Variants in EPHA3 observed in about 807,000 individuals in gnomAD.
The protein encoded by EPHA3 is EPH receptor A3.
EPHA3 carries 42 observed loss-of-function variants against 107.1 expected under a neutral mutation model. The observed-to-expected ratio is 0.39, with a 90% CI of 0.31 to 0.51. The LOEUF (loss-of-function observed/expected upper bound fraction) is 0.51. Ranked by LOEUF, EPHA3 falls within the 20% of genes least tolerant of loss-of-function variation. The pLI is 0.78. For missense variants in EPHA3, 1,183 were observed against 1,211.2 expected, an observed-to-expected ratio of 0.98 and a Z score of 0.35; for synonymous variants, 461 against 424.8, an observed-to-expected ratio of 1.09 and a Z score of -1.05.
intron 2 of EPHA3, among the ~76,000 whole-genome samples, chr3:89,142,592 T>C (rs1277704737): frequency 2.6e-5 from 4 of 151,526 alleles, no homozygotes; most frequent in Non-Finnish European, 5.9e-5. Flanking sequence ...ACATAAACTG[T>C]TACTTATATT....
At chr3:89,434,618 T>A (rs1271178408) in intron 13 of EPHA3, among the ~76,000 whole-genome samples, 1 of 152,190 alleles carries the variant, frequency 6.6e-6, no homozygotes, top group Non-Finnish European at 1.5e-5. Flanking sequence ...TTGGAAACAT[T>A]TGTCCAACTT....
At chr3:89,352,148 T>A (rs1707839399) in intron 5 of EPHA3, among the ~76,000 whole-genome samples, 1 of 151,274 alleles carries the variant, frequency 6.6e-6, no homozygotes, top group Non-Finnish European at 1.5e-5. Flanking sequence ...CTGTTAGCTA[T>A]AATGAAGGAA....
intron 2 of EPHA3, among the ~76,000 whole-genome samples, chr3:89,159,183 G>T (rs1019203861): frequency 6.6e-6 from 1 of 151,984 alleles, no homozygotes; most frequent in Non-Finnish European, 1.5e-5. Flanking sequence ...GATAATCAAA[G>T]ATTTTATTTT....
chr3:89,424,850 G>A (rs539486287), intron 11 of EPHA3, among the ~76,000 whole-genome samples: 299 of 151,432 alleles, frequency 2.0e-3, no homozygotes, highest in African/African-American at 6.8e-3. Context: ...GTTAAATTTC[G>A]TTTCAAGTTA....
chr3:89,121,295 T>C (rs1190572706), intron 1 of EPHA3, among the ~76,000 whole-genome samples: 2 of 152,150 alleles, frequency 1.3e-5, no homozygotes, highest in African/African-American at 4.8e-5. Context: ...TAGCTGTTCA[T>C]TTGATAAAAA....
intron 3 of EPHA3, among the ~76,000 whole-genome samples, chr3:89,286,680 G>T (rs1213228989): frequency 6.6e-6 from 1 of 152,178 alleles, no homozygotes; most frequent in East Asian, 1.9e-4. Context: ...AAAAGGAAAA[G>T]ACTGCTAGTG....
Position 89,241,021 on chromosome 3 carries a change from A to AT in EPHA3, c.814+30511dup, listed in dbSNP as rs1013076833. On this transcript the variant is annotated intron_variant, in intron 3 of 16. Transcript: ENST00000336596. ...AACGTATAATTTATCTTTTAAAAAA[A>AT]TTTTTTTTTTCATTTACCTGAAGAA... Among the ~76,000 whole-genome samples, 186 of 150,938 alleles carry AT rather than the reference A, an allele frequency of 1.2e-3. 4 individuals are homozygous for AT. The East Asian group carries it at 0.03, about 25-fold the overall frequency.
chr3:89,395,885 G>A lies in EPHA3; in HGVS notation c.1355G>A (p.Ser452Asn), dbSNP rs1708840804. 2 of 1,613,840 alleles carry A rather than the reference G, an allele frequency of 1.2e-6. No homozygotes were observed. The highest frequency in any genetic ancestry group is 1.7e-5 in the Admixed American group (1 of 59,992). The change falls in exon 6 of 17, where the codon AGC (serine) becomes AAC (asparagine). Residue 452 changes from serine to asparagine, a missense_variant. By Grantham distance (46) the Ser-to-Asn change is conservative. Transcript: ENST00000336596. ...TIKKDRTSRN[S>N]ISLSWQEPEH... is the part of the protein sequence containing the mutation. The stretch of plus-strand genomic sequence containing the variant: ...AAGAAAGATCGGACCTCCAGAAATA[G>A]CATCTCTTTGTCCTGGCAAGAACCT...
intron 2 of EPHA3, among the ~76,000 whole-genome samples, chr3:89,160,546 TTTTGTGTGTGTGTGTGTGTG>T (rs1244876270): frequency 6.6e-5 from 6 of 90,854 alleles, no homozygotes; most frequent in Admixed American, 1.3e-4. Context: ...TAATATTAGA[TTTTGTGTGTGTGTGTGTGTG>T]TGTGTGTGTG....
At chr3:89,151,893 A>G (rs1704697817) in intron 2 of EPHA3, among the ~76,000 whole-genome samples, 1 of 152,066 alleles carries the variant, frequency 6.6e-6, no homozygotes, top group Non-Finnish European at 1.5e-5. Context: ...ACTTTTCTCC[A>G]AATTCTGTTT....
At chr3:89,212,143 T>C (rs1157352485) in intron 3 of EPHA3, among the ~76,000 whole-genome samples, 1 of 152,018 alleles carries the variant, frequency 6.6e-6, no homozygotes, top group African/African-American at 2.4e-5. Flanking sequence ...TCATACCGTT[T>C]ACTAGGAATT....
chr3:89,268,634 T>G (rs1451394801), intron 3 of EPHA3, among the ~76,000 whole-genome samples: 4 of 152,024 alleles, frequency 2.6e-5, no homozygotes, highest in Non-Finnish European at 4.4e-5. Context: ...ACAGTTACCC[T>G]ATTATAAATT....
intron 5 of EPHA3, among the ~76,000 whole-genome samples, chr3:89,352,902 C>CAAAAAAAAAA (rs1215369952): frequency 9.7e-5 from 4 of 41,030 alleles, no homozygotes; most frequent in African/African-American, 3.9e-4. Flanking sequence ...GACTCTGTCT[C>CAAAAAAAAAA]AAAAAAAAAA....
At chr3:89,300,062 T>C (rs1196366765) in intron 3 of EPHA3, among the ~76,000 whole-genome samples, 1 of 152,046 alleles carries the variant, frequency 6.6e-6, no homozygotes, top group Non-Finnish European at 1.5e-5. Flanking sequence ...ATGCTAGTAC[T>C]TACCAGGACT....
Position 89,480,020 on chromosome 3 carries a change from G to C in EPHA3, c.*518G>C, listed in dbSNP as rs918124790. ...ATCACTGCATTATTCTCTTTTATCT[G>C]TTTAAAGCATATAGAGATGAAGTTT... On this transcript the variant is annotated 3_prime_UTR_variant, in exon 17 of 17. Transcript: ENST00000336596. 1.7e-5 allele frequency: 4 copies of C among 233,072 alleles called. No individual in the cohort carries two copies. The highest frequency in any genetic ancestry group is 8.8e-5 in the African/African-American group (4 of 45,284). 14.4% of individuals were successfully genotyped at this position (233,072 alleles called of 1,614,324 possible).
intron 5 of EPHA3, among the ~76,000 whole-genome samples, chr3:89,342,960 A>G (rs1707565548): frequency 6.6e-6 from 1 of 151,900 alleles, no homozygotes; most frequent in Non-Finnish European, 1.5e-5. Flanking sequence ...CCAGAGAACT[A>G]CCGATTCTCC....
chr3:89,228,278 A>C lies in EPHA3; in HGVS notation c.814+17758A>C, dbSNP rs1704545894. ...TATTTAAGTGTTCTACAAAAGCAGAAAAGAAAACTGAATATTGAAGATGAT... is the reference window on the plus strand; with the variant it reads ...TATTTAAGTGTTCTACAAAAGCAGACAAGAAAACTGAATATTGAAGATGAT... On this transcript the variant is annotated intron_variant, in intron 3 of 16. Coordinates refer to ENST00000336596, the MANE Select transcript of EPHA3 (RefSeq NM_005233.6). 1.3e-5 allele frequency among the ~76,000 whole-genome samples: 2 copies of C among 151,966 alleles called. 1 individual carries two copies. Among genetic ancestry groups the C allele is most frequent in the East Asian group, 3.9e-4 (2 of 5,194 alleles).
chr3:89,251,601 A>G (rs1210022394), intron 3 of EPHA3, among the ~76,000 whole-genome samples: 1 of 152,106 alleles, frequency 6.6e-6, no homozygotes, highest in Non-Finnish European at 1.5e-5. Context: ...ATATGAATCA[A>G]TCTGATTACT....
At chr3:89,364,310 A>C (rs1479511195) in intron 5 of EPHA3, among the ~76,000 whole-genome samples, 2 of 150,992 alleles carry the variant, frequency 1.3e-5, no homozygotes, top group African/African-American at 4.8e-5. Context: ...AATATCATTC[A>C]GAGGCCTTTC....
Sources: allele counts gnomAD v4.1 joint callset (sites outside exome capture counted in the v4.1 genomes callset), GRCh38; gene constraint gnomAD v4.1.1; transcripts MANE v1.5; gene names NCBI Gene and HGNC (gene_info 2026-07-23, HGNC 2026-07-21).